The following ARID5B variants were observed in gnomAD, a reference collection of about 807,000 sequenced individuals.
The protein encoded by ARID5B is AT-rich interaction domain 5B, also known as AT-rich interactive domain-containing protein 5B.
Under a neutral mutation model 97.2 loss-of-function variants are expected in ARID5B, and 13 were observed. The ratio of observed to expected loss-of-function variants is 0.13; its 90% confidence interval spans 0.09 to 0.21. The LOEUF is 0.21. Among genes scored for constraint, ARID5B ranks in the 10% least tolerant of loss-of-function variants. The pLI, the probability that ARID5B is intolerant of heterozygous loss-of-function variation, is 1.00. For synonymous variants in ARID5B, 556 were observed against 570.3 expected (o/e 0.97, Z 0.36); for missense variants, 1,210 against 1,465.3 (o/e 0.83, Z 2.84).
rs369982502 is a variant in ARID5B, at chr10:62,008,061, AACACAC to A, written c.733+7773_733+7778del. Among the ~76,000 whole-genome samples, 43 of 66,598 alleles carry A rather than the reference AACACAC, an allele frequency of 6.5e-4. 1 individual carries two copies. The highest frequency in any genetic ancestry group is 8.9e-4 in the East Asian group (2 of 2,248). 43.7% of individuals were successfully genotyped at this position (66,598 alleles called of 152,430 possible). A position where few individuals can be genotyped will look rare whatever the true frequency, so the allele number is the denominator to read the frequency against. On this transcript the variant is annotated intron_variant, in intron 4 of 9. Coordinates refer to ENST00000279873, the MANE Select transcript of ARID5B (RefSeq NM_032199.3). ...CCTCCACCCACCTCCCCCGCCCCAC[AACACAC>A]ACACACACACACACACACACACACA...
At position 62,081,028 on chromosome 10, in the gene ARID5B, C is replaced by T. The variant is rs181879483; in HGVS notation, c.1200-4674C>T. On this transcript the variant is annotated intron_variant, in intron 8 of 9. Transcript: ENST00000279873. The stretch of plus-strand genomic sequence containing the variant: ...AGTAGAGATGGGCTGGTCTCGAACT[C>T]CTGACCCCAAGTGATCCGACTGCCT... 5.4e-3 allele frequency among the ~76,000 whole-genome samples: 821 copies of T among 152,170 alleles called. 26 individuals are homozygous for T. The highest frequency in any genetic ancestry group is 1.7e-3 in the South Asian group (8 of 4,816).
At position 61,955,847 on chromosome 10, in the gene ARID5B, C is replaced by T. The variant is rs150628003; in HGVS notation, c.502+15439C>T. 4.6e-5 allele frequency among the ~76,000 whole-genome samples: 7 copies of T among 152,198 alleles called. No individual in the cohort carries two copies. The East Asian group carries it at 9.7e-4, about 21-fold the overall frequency. On this transcript the variant is annotated intron_variant, in intron 3 of 9. Coordinates refer to ENST00000279873, the MANE Select transcript of ARID5B (RefSeq NM_032199.3). ...TGTATTTTTAGTAGAGACGGGGTTTCGTCATGCTGGCCAGGCTGGTCTCGA... is the reference window on the plus strand; with the variant it reads ...TGTATTTTTAGTAGAGACGGGGTTTTGTCATGCTGGCCAGGCTGGTCTCGA...
intron 4 of ARID5B, among the ~76,000 whole-genome samples, chr10:62,040,096 T>C (rs1839616000): frequency 6.6e-6 from 1 of 152,212 alleles, no homozygotes; most frequent in Admixed American, 6.5e-5. Context: ...GAACAAGTCA[T>C]GAAATAAATA....
At chr10:61,902,931 T>C (rs1464295437) in intron 2 of ARID5B, among the ~76,000 whole-genome samples, 4 of 152,104 alleles carry the variant, frequency 2.6e-5, no homozygotes, top group Non-Finnish European at 4.4e-5. Context: ...AGCTATTGAG[T>C]TGGCAAAGAC....
intron 4 of ARID5B, among the ~76,000 whole-genome samples, chr10:62,004,642 T>C (rs527611115): frequency 2.0e-5 from 3 of 152,328 alleles, no homozygotes; most frequent in South Asian, 2.1e-4. Context: ...TTTTGTAAAA[T>C]GCATACTGTC....
intron 5 of ARID5B, among the ~76,000 whole-genome samples, chr10:62,052,023 T>A (rs1839797066): frequency 6.6e-6 from 1 of 152,218 alleles, no homozygotes; most frequent in South Asian, 2.1e-4. Context: ...TCTTAGACTT[T>A]CACATTCTAA....
intron 3 of ARID5B, among the ~76,000 whole-genome samples, chr10:61,980,194 G>A (rs1838758489): frequency 6.6e-6 from 1 of 152,190 alleles, no homozygotes; most frequent in Non-Finnish European, 1.5e-5. Flanking sequence ...TTCCTATGGA[G>A]GAAGGGGCTC....
intron 3 of ARID5B, among the ~76,000 whole-genome samples, chr10:61,991,041 TACACACAC>T (rs397802272): frequency 4.1e-5 from 6 of 145,156 alleles, no homozygotes; most frequent in South Asian, 2.2e-4. Flanking sequence ...ATTTATCCTG[TACACACAC>T]ACACACACAC....
At chr10:61,947,476 G>A (rs1031013871) in intron 3 of ARID5B, among the ~76,000 whole-genome samples, 1 of 151,730 alleles carries the variant, frequency 6.6e-6, no homozygotes, top group African/African-American at 2.4e-5. Flanking sequence ...TCACGATGTT[G>A]GCCAGGCTGG....
At chr10:61,970,540 A>G (rs542992956) in intron 3 of ARID5B, among the ~76,000 whole-genome samples, 34 of 152,346 alleles carry the variant, frequency 2.2e-4, no homozygotes, top group Non-Finnish European at 4.4e-4. Flanking sequence ...ACATTGAAGG[A>G]AAAATGGTCT....
At chr10:61,941,699 T>C (rs538679048) in intron 3 of ARID5B, among the ~76,000 whole-genome samples, 1 of 152,334 alleles carries the variant, frequency 6.6e-6, no homozygotes, top group South Asian at 2.1e-4. Flanking sequence ...TGAGTTTAAC[T>C]ATCAACGGTT....
intron 7 of ARID5B, among the ~76,000 whole-genome samples, chr10:62,064,378 C>T (rs11593200): frequency 6.6e-6 from 1 of 152,150 alleles, no homozygotes; most frequent in African/African-American, 2.4e-5. Flanking sequence ...TCAGAACAGC[C>T]CAGGCAACAT....
At chr10:61,987,816 A>T (rs1838867677) in intron 3 of ARID5B, among the ~76,000 whole-genome samples, 2 of 152,240 alleles carry the variant, frequency 1.3e-5, no homozygotes, top group South Asian at 4.1e-4. Context: ...AGAAACAGGG[A>T]TCTGTAGCAC....
intron 2 of ARID5B, among the ~76,000 whole-genome samples, chr10:61,904,900 TC>T (rs1382151663): frequency 6.6e-6 from 1 of 152,124 alleles, no homozygotes; most frequent in Admixed American, 6.5e-5. Flanking sequence ...TGATGTCATT[TC>T]CCCCCTGGCC....
chr10:61,988,168 T>C (rs776121958), intron 3 of ARID5B, among the ~76,000 whole-genome samples: 5 of 152,262 alleles, frequency 3.3e-5, no homozygotes, highest in Non-Finnish European at 7.3e-5. Flanking sequence ...AGTTTTTATA[T>C]GACTGCTTTG....
At chr10:62,071,429 C>T (rs1303069421) in intron 8 of ARID5B, among the ~76,000 whole-genome samples, 1 of 152,020 alleles carries the variant, frequency 6.6e-6, no homozygotes, top group African/African-American at 2.4e-5. Context: ...CCCTCAACAC[C>T]TGAACCATCA....
At chr10:61,997,836 T>C (rs1224903470) in intron 3 of ARID5B, among the ~76,000 whole-genome samples, 3 of 152,240 alleles carry the variant, frequency 2.0e-5, no homozygotes, top group East Asian at 1.9e-4. Flanking sequence ...CGCATTTGAA[T>C]ATTTTCACTA....
At chr10:61,954,571 T>C (rs1230653228) in intron 3 of ARID5B, among the ~76,000 whole-genome samples, 10 of 152,128 alleles carry the variant, frequency 6.6e-5, no homozygotes, top group African/African-American at 9.7e-5. Flanking sequence ...AACATGTGTA[T>C]TGCTGAGCTC....
chr10:61,934,587 A>G (rs1217831863), intron 2 of ARID5B, among the ~76,000 whole-genome samples: 1 of 152,176 alleles, frequency 6.6e-6, no homozygotes, highest in Non-Finnish European at 1.5e-5. Flanking sequence ...GGTAGGCAGG[A>G]GGAGAGGGAG....
Sources: allele counts gnomAD v4.1 joint callset (sites outside exome capture counted in the v4.1 genomes callset), GRCh38; gene constraint gnomAD v4.1.1; transcripts MANE v1.5; gene names NCBI Gene and HGNC (gene_info 2026-07-23, HGNC 2026-07-21).